GABRA4: variants seen among roughly 807,000 people sequenced by gnomAD.
The protein encoded by GABRA4 is gamma-aminobutyric acid type A receptor subunit alpha4, also known as gamma-aminobutyric acid receptor subunit alpha-4.
GABRA4 carries 12 observed loss-of-function variants against 49.7 expected under a neutral mutation model. The observed-to-expected ratio is 0.24, with a 90% CI of 0.15 to 0.39. The LOEUF (loss-of-function observed/expected upper bound fraction) is 0.39. Among genes scored for constraint, GABRA4 ranks in the 10% least tolerant of loss-of-function variants. The pLI, the probability that GABRA4 is intolerant of heterozygous loss-of-function variation, is 1.00. For synonymous variants in GABRA4, 288 were observed against 240.2 expected (o/e 1.20, Z -1.84); for missense variants, 506 against 686.0 (o/e 0.74, Z 2.93).
At chr4:46,981,989 G>T (rs924103375) in intron 2 of GABRA4, among the ~76,000 whole-genome samples, 2 of 151,890 alleles carry the variant, frequency 1.3e-5, no homozygotes, top group African/African-American at 4.8e-5. Context: ...AGCAAGGGAG[G>T]GACAGAATGC....
At chr4:46,992,127 A>C (rs1347374222) in intron 2 of GABRA4, among the ~76,000 whole-genome samples, 3 of 152,196 alleles carry the variant, frequency 2.0e-5, no homozygotes, top group Non-Finnish European at 4.4e-5. Context: ...GATTTCCATT[A>C]TATATGCAAA....
chr4:46,958,355 T>C (rs988938236), intron 8 of GABRA4, among the ~76,000 whole-genome samples: 1 of 151,952 alleles, frequency 6.6e-6, no homozygotes, highest in Non-Finnish European at 1.5e-5. Context: ...TTTCATAAGA[T>C]ACAGTGTGCA....
chr4:46,928,631 G>A lies in GABRA4; in HGVS notation c.1259C>T (p.Ser420Phe). 1 of 1,613,720 alleles carries A rather than the reference G, an allele frequency of 6.2e-7. No homozygotes were observed. The highest frequency in any genetic ancestry group is 1.1e-5 in the South Asian group (1 of 91,078). Residue 420 changes from serine to phenylalanine, a missense_variant, in exon 9 of 9, where the codon TCT becomes TTT. Around this residue, in one of 5 missense-constraint regions of GABRA4, gnomAD observed 243 missense variants for 210.8 expected, o/e 1.15. Transcript: ENST00000264318. ...GTAAGACCGAGGTGTGCCTTTAGAA[G>A]ATTCTTGAACAACTGTGGAAGATTT... ...SSKSSTVVQE[S>F]SKGTPRSYLA...
At chr4:46,956,979 T>C (rs182211628) in intron 8 of GABRA4, among the ~76,000 whole-genome samples, 26 of 152,142 alleles carry the variant, frequency 1.7e-4, no homozygotes, top group Non-Finnish European at 2.6e-4. Context: ...AGGAAACAAT[T>C]AAGCAAAATG....
Position 46,979,128 on chromosome 4 carries a change from A to G in GABRA4, c.206-30T>C, listed in dbSNP as rs1021892348. On this transcript the variant is annotated intron_variant, in intron 2 of 8. Coordinates refer to ENST00000264318, the MANE Select transcript of GABRA4 (RefSeq NM_000809.4). ...CGGGTATGAAGTAAATAAGTGTGAA[A>G]AAATAATTACCAATTTTACAGGCTG... 2.2e-6 allele frequency: 3 copies of G among 1,381,214 alleles called. No individual in the cohort carries two copies. The Admixed American group carries it at 5.2e-5, about 24-fold the overall frequency. 85.6% of individuals were successfully genotyped at this position (1,381,214 alleles called of 1,614,324 possible).
Position 46,965,015 on chromosome 4 carries a change from G to C in GABRA4, c.1089C>G (p.Pro363=). 1 of 1,611,662 alleles carries C rather than the reference G, an allele frequency of 6.2e-7. No individual in the cohort carries two copies. Among genetic ancestry groups the C allele is most frequent in the South Asian group, 1.1e-5 (1 of 90,918 alleles). ...GCTTCTCTCTCTGCACTGGAGCAGC[G>C]GGAACTTCCTGAGGGGGCTTTGATG... ...RKTSKPPQEV[P]AAPVQREKHP... Residue 363 remains proline (P), a synonymous_variant, in exon 8 of 9, where the codon CCC becomes CCG. Transcript: ENST00000264318.
chr4:46,983,243 T>C (rs549987487), intron 2 of GABRA4, among the ~76,000 whole-genome samples: 5 of 152,244 alleles, frequency 3.3e-5, no homozygotes, highest in Non-Finnish European at 5.9e-5. Flanking sequence ...GAATTTCATA[T>C]CTAGAATATA....
rs1187351013 is a variant in GABRA4, at chr4:46,923,668, G to C, written c.*4557C>G. 2 of 151,994 alleles carry C rather than the reference G, an allele frequency of 1.3e-5. No individual in the cohort carries two copies. Among genetic ancestry groups the C allele is most frequent in the Non-Finnish European group, 2.9e-5 (2 of 67,984 alleles). 9.4% of individuals were successfully genotyped at this position (151,994 alleles called of 1,614,324 possible). On this transcript the variant is annotated 3_prime_UTR_variant, in exon 9 of 9. Transcript: ENST00000264318. ...ACTGTTCCACTACCTCTAGATTTGT[G>C]GCCCTCCAAACCATAGTTCACACAA...
At position 46,923,519 on chromosome 4, in the gene GABRA4, C is replaced by A. The variant is rs149366893; in HGVS notation, c.*4706G>T. 2 of 151,970 alleles carry A rather than the reference C, an allele frequency of 1.3e-5. No individual in the cohort carries two copies. Among genetic ancestry groups the A allele is most frequent in the African/African-American group, 4.8e-5 (2 of 41,474 alleles). The allele number at this position is 151,970 out of a possible 1,614,324, so 9.4% of individuals were successfully genotyped here. On this transcript the variant is annotated 3_prime_UTR_variant, in exon 9 of 9. Coordinates refer to ENST00000264318, the MANE Select transcript of GABRA4 (RefSeq NM_000809.4). Reference sequence around the variant, plus strand: ...TTTTGAGATTGTTTTTAAGTTTCTACAATGTCTATCTTTAACAGTCATGTA... The same window carrying A: ...TTTTGAGATTGTTTTTAAGTTTCTAAAATGTCTATCTTTAACAGTCATGTA...
At chr4:46,940,745 C>A (rs980237661) in intron 8 of GABRA4, among the ~76,000 whole-genome samples, 63 of 151,716 alleles carry the variant, frequency 4.2e-4, no homozygotes, top group Non-Finnish European at 7.1e-4. Context: ...CAACACCCCC[C>A]AAAAAATTGC....
At chr4:46,937,416 C>T (rs957358538) in intron 8 of GABRA4, among the ~76,000 whole-genome samples, 3 of 152,126 alleles carry the variant, frequency 2.0e-5, no homozygotes, top group Admixed American at 2.0e-4. Context: ...GACACACAGT[C>T]TTCCAAAATT....
intron 2 of GABRA4, among the ~76,000 whole-genome samples, chr4:46,990,869 A>G (rs1243008230): frequency 1.3e-5 from 2 of 152,212 alleles, no homozygotes; most frequent in African/African-American, 4.8e-5. Context: ...CATCCTTCTC[A>G]TCTATCCTTA....
chr4:46,928,254 T>C lies in GABRA4; in HGVS notation c.1636A>G (p.Thr546Ala), dbSNP rs2109933978. 6.2e-7 allele frequency: 1 copy of C among 1,611,684 alleles called. No individual in the cohort carries two copies. Among genetic ancestry groups the C allele is most frequent in the Admixed American group, 1.7e-5 (1 of 59,852 alleles). ...ATTAGACTTTCTGATTTCTCCATAGTGTCCTTAGATAAATAAACAACCCAA... is the reference window on the plus strand; with the variant it reads ...ATTAGACTTTCTGATTTCTCCATAGCGTCCTTAGATAAATAAACAACCCAA... ...VYWVVYLSKD[T>A]MEKSESLM Residue 546 changes from threonine (T) to alanine (A), a missense_variant, in exon 9 of 9, where the codon ACT (threonine) becomes GCT (alanine). Thr to Ala is a moderately conservative substitution (Grantham distance 58, BLOSUM62 0). Around this residue, in one of 5 missense-constraint regions of GABRA4, gnomAD observed 29 missense variants for 25.1 expected, o/e 1.16. Coordinates refer to ENST00000264318, the MANE Select transcript of GABRA4 (RefSeq NM_000809.4).
Position 46,924,010 on chromosome 4 carries a change from A to T in GABRA4, c.*4215T>A, listed in dbSNP as rs1274934747. On this transcript the variant is annotated 3_prime_UTR_variant, in exon 9 of 9. Coordinates refer to ENST00000264318, the MANE Select transcript of GABRA4 (RefSeq NM_000809.4). ...TTTCATTTTTTTGTTTGTTTGTGGAAGTGGGAATGGAGGCTATAAGAACTC... is the reference window on the plus strand; with the variant it reads ...TTTCATTTTTTTGTTTGTTTGTGGATGTGGGAATGGAGGCTATAAGAACTC... 3 of 152,052 alleles carry T rather than the reference A, an allele frequency of 2.0e-5. No individual in the cohort carries two copies. The highest frequency in any genetic ancestry group is 7.2e-5 in the African/African-American group (3 of 41,426). The allele number at this position is 152,052 out of a possible 1,614,324, so 9.4% of individuals were successfully genotyped here.
intron 2 of GABRA4, among the ~76,000 whole-genome samples, chr4:46,984,116 A>T (rs1238064285): frequency 6.6e-6 from 1 of 152,060 alleles, no homozygotes; most frequent in Non-Finnish European, 1.5e-5. Flanking sequence ...TTCATCTCCA[A>T]TAATGATGTC....
In GABRA4 at chr4:46,976,924, T is replaced by C. The variant is rs534318694; in HGVS notation, c.577+137A>G. 1.7e-4 allele frequency: 93 copies of C among 548,324 alleles called. No homozygotes were observed. The South Asian group carries it at 2.2e-3, about 13-fold the overall frequency. 34.0% of individuals were successfully genotyped at this position (548,324 alleles called of 1,614,324 possible). Reference sequence around the variant, plus strand: ...TATTATAAAATATTAGTTAATGAAATCTCCAGAAATAAAACCGGACAGTTT... The same window carrying C: ...TATTATAAAATATTAGTTAATGAAACCTCCAGAAATAAAACCGGACAGTTT... On this transcript the variant is annotated intron_variant, in intron 5 of 8. Coordinates refer to ENST00000264318, the MANE Select transcript of GABRA4 (RefSeq NM_000809.4).
intron 8 of GABRA4, among the ~76,000 whole-genome samples, chr4:46,954,947 T>C (rs147873715): frequency 1.6e-3 from 236 of 152,200 alleles, no homozygotes; most frequent in African/African-American, 5.4e-3. Flanking sequence ...ATTATGTGTA[T>C]AACAACATAA....
intron 7 of GABRA4, among the ~76,000 whole-genome samples, chr4:46,969,523 T>C (rs775879382): frequency 2.0e-5 from 3 of 151,538 alleles, no homozygotes; most frequent in Non-Finnish European, 4.4e-5. Flanking sequence ...CATCCAATAG[T>C]ACAACACTAG....
chr4:46,991,624 T>C (rs113179059), intron 2 of GABRA4, among the ~76,000 whole-genome samples: 3,343 of 152,274 alleles, frequency 0.022, 53 homozygotes, highest in Middle Eastern at 0.082. Flanking sequence ...TCACACAGCA[T>C]CTGATACCAT....
Sources: allele counts gnomAD v4.1 joint callset (sites outside exome capture counted in the v4.1 genomes callset), GRCh38; gene constraint gnomAD v4.1.1; regional missense constraint gnomAD v4.1.1; transcripts MANE v1.5; gene names NCBI Gene and HGNC (gene_info 2026-07-23, HGNC 2026-07-21).